Variants in PATJ observed in about 807,000 individuals in gnomAD.
PATJ encodes the protein PATJ crumbs cell polarity complex component.
PATJ carries 190 observed loss-of-function variants against 224.9 expected under a neutral mutation model. The observed-to-expected ratio is 0.84, with a 90% CI of 0.75 to 0.95. PATJ has a LOEUF of 0.95. Among genes scored for constraint, PATJ ranks in the 40% least tolerant of loss-of-function variants. The probability of loss-of-function intolerance (pLI) is 0.00; values close to 1 mark genes in which losing one functional copy is unlikely to be tolerated. For missense variants in PATJ, 2,121 were observed against 2,270.3 expected (o/e 0.93, Z 1.34); for synonymous variants, 769 against 820.3 (o/e 0.94, Z 1.07).
intron 14 of PATJ, among the ~76,000 whole-genome samples, chr1:61,817,909 G>A (rs1311013740): frequency 6.6e-6 from 1 of 152,088 alleles, no homozygotes; most frequent in African/African-American, 2.4e-5. Flanking sequence ...CTTTGTGTGT[G>A]AGAGTTACAA....
intron 41 of PATJ, among the ~76,000 whole-genome samples, chr1:62,147,149 TTTACATTC>T (rs1668118741): frequency 6.6e-6 from 1 of 152,110 alleles, no homozygotes; most frequent in South Asian, 2.1e-4. Flanking sequence ...TTAGATGGCA[TTTACATTC>T]ATGAGATGGA....
intron 17 of PATJ, among the ~76,000 whole-genome samples, chr1:61,850,078 T>G (rs886350920): frequency 2.0e-5 from 3 of 152,208 alleles, no homozygotes. Flanking sequence ...TTCACTGAGT[T>G]TGCCATGGTA....
chr1:61,874,484 A>G (rs1667091733), intron 20 of PATJ, among the ~76,000 whole-genome samples: 2 of 152,036 alleles, frequency 1.3e-5, no homozygotes, highest in South Asian at 4.1e-4. Flanking sequence ...GGTGTGAGCC[A>G]CCACACCCAG....
chr1:62,026,470 G>A (rs1414367312), intron 29 of PATJ, among the ~76,000 whole-genome samples: 3 of 112,938 alleles, frequency 2.7e-5, no homozygotes, highest in African/African-American at 7.8e-5. Flanking sequence ...ATTTGTGTGT[G>A]TGTGTGTGTG....
At chr1:61,989,821 T>C (rs1384373818) in intron 27 of PATJ, among the ~76,000 whole-genome samples, 1 of 152,232 alleles carries the variant, frequency 6.6e-6, no homozygotes, top group East Asian at 1.9e-4. Flanking sequence ...AAATAATTTT[T>C]AACTGTAACC....
intron 28 of PATJ, among the ~76,000 whole-genome samples, chr1:62,013,092 C>CT (rs1482336633): frequency 2.6e-5 from 4 of 152,230 alleles, no homozygotes; most frequent in African/African-American, 9.6e-5. Context: ...GCCAGAGGCT[C>CT]TGCACATTTA....
chr1:62,054,268 TG>T, intron 31 of PATJ: 1 of 346,384 alleles, frequency 2.9e-6, no homozygotes, highest in Non-Finnish European at 5.9e-6. Flanking sequence ...GAGGCTGAAG[TG>T]GGAGGATTAC....
intron 14 of PATJ, among the ~76,000 whole-genome samples, chr1:61,814,048 T>C (rs753064207): frequency 1.4e-4 from 22 of 151,918 alleles, no homozygotes; most frequent in Non-Finnish European, 3.1e-4. Flanking sequence ...TGAAATTTGG[T>C]TGTGGCAAAA....
At chr1:61,831,561 C>A (rs1369456603) in intron 16 of PATJ, among the ~76,000 whole-genome samples, 1 of 152,066 alleles carries the variant, frequency 6.6e-6, no homozygotes, top group Non-Finnish European at 1.5e-5. Flanking sequence ...TATACGTGGC[C>A]AACCACCATA....
At chr1:61,805,780 G>T (rs1463561992) in intron 13 of PATJ, among the ~76,000 whole-genome samples, 1 of 152,154 alleles carries the variant, frequency 6.6e-6, no homozygotes, top group Non-Finnish European at 1.5e-5. Flanking sequence ...AACCATTTAA[G>T]TCGACAATAG....
At chr1:61,818,406 ACT>A (rs1304371355) in intron 14 of PATJ, among the ~76,000 whole-genome samples, 1 of 152,160 alleles carries the variant, frequency 6.6e-6, no homozygotes, top group African/African-American at 2.4e-5. Context: ...TGTTTCACTC[ACT>A]CTGTCATTTC....
Position 61,856,124 on chromosome 1 carries a change from G to T in PATJ, c.2207G>T (p.Arg736Leu), listed in dbSNP as rs375548878. 1.1e-5 allele frequency: 18 copies of T among 1,612,542 alleles called. No homozygotes were observed. The highest frequency in any genetic ancestry group is 1.5e-5 in the Non-Finnish European group (18 of 1,178,560). ...ERSGGLLPGDRLVSVNEYCLD... is the reference protein window; with the variant it reads ...ERSGGLLPGDLLVSVNEYCLD... ...AGTGGGGGACTATTACCTGGAGACC[G>T]CCTGGTCTCAGTCAATGAATACTGT... Residue 736 changes from arginine to leucine, a missense_variant, in exon 18 of 44, where the codon CGC (arginine) becomes CTC (leucine). Coordinates refer to ENST00000642238, the MANE Select transcript of PATJ (RefSeq NM_001350145.3).
At chr1:61,963,940 T>C (rs1486538767) in intron 27 of PATJ, among the ~76,000 whole-genome samples, 3 of 152,216 alleles carry the variant, frequency 2.0e-5, no homozygotes, top group Non-Finnish European at 4.4e-5. Flanking sequence ...ATTTTGATTC[T>C]CTTGGAACTA....
chr1:61,857,320 C>T (rs1463043954), intron 18 of PATJ, among the ~76,000 whole-genome samples: 1 of 152,222 alleles, frequency 6.6e-6, no homozygotes, highest in African/African-American at 2.4e-5. Flanking sequence ...CTAATCCTTA[C>T]AGCAACTTTA....
intron 17 of PATJ, among the ~76,000 whole-genome samples, chr1:61,845,480 C>T (rs1219049426): frequency 8.5e-5 from 13 of 152,148 alleles, no homozygotes; most frequent in Admixed American, 3.3e-4. Context: ...TTCTTGAAGC[C>T]TTATGATCCC....
At chr1:61,960,212 A>C (rs1032783837) in intron 27 of PATJ, among the ~76,000 whole-genome samples, 4 of 152,146 alleles carry the variant, frequency 2.6e-5, no homozygotes, top group African/African-American at 9.7e-5. Flanking sequence ...TCTGAAACAT[A>C]TTCCTTAACT....
intron 7 of PATJ, among the ~76,000 whole-genome samples, chr1:61,778,713 G>T (rs1833049): frequency 0.21 from 31,069 of 151,088 alleles, 3,693 homozygotes; most frequent in South Asian, 0.39. Context: ...TATATATATA[G>T]AGAGAGAGAT....
At chr1:62,038,389 C>G (rs6658506) in intron 30 of PATJ, 1,987 of 164,518 alleles carry the variant, frequency 0.012, 19 homozygotes, top group Middle Eastern at 0.048. Flanking sequence ...ACTTTAATAC[C>G]TGTGATCAAG....
At chr1:62,079,378 C>T in intron 31 of PATJ, 72 bp from the exon 32 acceptor site, 3 of 876,320 alleles carry the variant, frequency 3.4e-6, no homozygotes, top group Non-Finnish European at 5.8e-6. Flanking sequence ...GGTAACAATA[C>T]ACCAGTTTTA....
Sources: allele counts gnomAD v4.1 joint callset (sites outside exome capture counted in the v4.1 genomes callset), GRCh38; gene constraint gnomAD v4.1.1; transcripts MANE v1.5; gene names NCBI Gene and HGNC (gene_info 2026-07-23, HGNC 2026-07-21).